Variants in PLXNA4 observed in about 807,000 individuals in gnomAD.
The protein encoded by PLXNA4 is plexin A4.
A neutral mutation model predicts 191.8 loss-of-function variants in PLXNA4; 44 were observed. The ratio of observed to expected loss-of-function variants is 0.23; its 90% CI spans 0.18 to 0.29. PLXNA4 has a LOEUF of 0.29. Among genes scored for constraint, PLXNA4 ranks in the 10% least tolerant of loss-of-function variants. PLXNA4 has a pLI of 1.00. For synonymous variants in PLXNA4, 1,082 were observed against 1,009.5 expected (o/e 1.07, Z -1.36); for missense variants, 1,800 against 2,488.8 (o/e 0.72, Z 5.89).
intron 3 of PLXNA4, among the ~76,000 whole-genome samples, chr7:132,374,766 A>C (rs539270690): frequency 6.6e-6 from 1 of 152,238 alleles, no homozygotes; most frequent in South Asian, 2.1e-4. Context: ...AGGCACTTGC[A>C]CCAACAGAGA....
rs367942627 is a variant in PLXNA4, at chr7:132,146,682, G to A, written c.4883C>T (p.Thr1628Met). The change falls in exon 28 of 32, where the codon ACG becomes ATG. Residue 1628 changes from threonine to methionine, a missense_variant. Physicochemically the swap from Thr to Met is moderately conservative, Grantham distance 81 (BLOSUM62 -1). Transcript: ENST00000321063. ...ASKYENMIRY[T>M]GSPDSLRSRT... is the part of the protein sequence containing the mutation. ...TGAGCGGAGGCTGTCGGGGCTGCCCGTGTACCGGATCATGTTTTCTGCCAA... is the reference window on the plus strand; with the variant it reads ...TGAGCGGAGGCTGTCGGGGCTGCCCATGTACCGGATCATGTTTTCTGCCAA... 30 of 1,614,038 alleles carry A rather than the reference G, an allele frequency of 1.9e-5. No individual in the cohort carries two copies. Among genetic ancestry groups the A allele is most frequent in the African/African-American group, 1.5e-4 (11 of 74,922 alleles).
At chr7:132,252,410 C>G (rs1799287698) in intron 4 of PLXNA4, among the ~76,000 whole-genome samples, 1 of 138,116 alleles carries the variant, frequency 7.2e-6, no homozygotes, top group Non-Finnish European at 1.5e-5. Context: ...CTCCTGGGTT[C>G]AAGCGATTCT....
intron 3 of PLXNA4, among the ~76,000 whole-genome samples, chr7:132,435,928 C>T (rs1280255403): frequency 1.3e-5 from 2 of 152,214 alleles, no homozygotes; most frequent in Admixed American, 1.3e-4. Flanking sequence ...AATTTCTCAG[C>T]AAATTGTTGG....
Position 132,480,683 on chromosome 7 carries a change from C to T in PLXNA4, c.1371+8609G>A, listed in dbSNP as rs112400105. ...GATGGGCCCAGTCTGTCCCAGGCAG[C>T]AGGCCAGGGGTAAGTGGAAAAGCAC... On this transcript the variant is annotated intron_variant, in intron 3 of 31. Transcript: ENST00000321063. 1.6e-3 allele frequency among the ~76,000 whole-genome samples: 237 copies of T among 152,326 alleles called. 4 individuals are homozygous for T. Among genetic ancestry groups the T allele is most frequent in the African/African-American group, 5.4e-3 (223 of 41,578 alleles).
intron 2 of PLXNA4, among the ~76,000 whole-genome samples, chr7:132,584,971 C>G (rs1004450993): frequency 6.6e-6 from 1 of 152,224 alleles, no homozygotes; most frequent in African/African-American, 2.4e-5. Flanking sequence ...GTTCTAGTTT[C>G]CTACTAGATG....
At chr7:132,401,648 C>T (rs145723458) in intron 3 of PLXNA4, among the ~76,000 whole-genome samples, 6 of 151,962 alleles carry the variant, frequency 3.9e-5, no homozygotes, top group South Asian at 2.1e-4. Context: ...ATTCAGAGGA[C>T]GGGAAAGGGC....
chr7:132,318,197 G>C (rs1384639968), intron 3 of PLXNA4, among the ~76,000 whole-genome samples: 1 of 152,168 alleles, frequency 6.6e-6, no homozygotes, highest in African/African-American at 2.4e-5. Flanking sequence ...GGTTGCAGGG[G>C]GAGGGAGTTG....
At chr7:132,150,018 G>A (rs1202475008) in intron 25 of PLXNA4, among the ~76,000 whole-genome samples, 1 of 152,146 alleles carries the variant, frequency 6.6e-6, no homozygotes, top group African/African-American at 2.4e-5. Context: ...CAGTCCCTGG[G>A]GCTTCCCTGC....
At chr7:132,136,557 C>A (rs544798437) in intron 30 of PLXNA4, among the ~76,000 whole-genome samples, 23 of 152,168 alleles carry the variant, frequency 1.5e-4, no homozygotes, top group African/African-American at 5.3e-4. Flanking sequence ...CCTCTGGGAG[C>A]AGCCATAAAG....
chr7:132,444,671 T>C (rs1414962836), intron 3 of PLXNA4, among the ~76,000 whole-genome samples: 1 of 152,152 alleles, frequency 6.6e-6, no homozygotes, highest in African/African-American at 2.4e-5. Flanking sequence ...TGTTAAGGTG[T>C]GTGTGTTGGT....
At chr7:132,280,557 A>G (rs1202947577) in intron 4 of PLXNA4, among the ~76,000 whole-genome samples, 3 of 152,170 alleles carry the variant, frequency 2.0e-5, no homozygotes, top group Non-Finnish European at 4.4e-5. Context: ...ATCTGTCAGC[A>G]CCATCTCAAA....
intron 1 of PLXNA4, among the ~76,000 whole-genome samples, chr7:132,514,117 T>G (rs141466522): frequency 0.011 from 1,610 of 151,846 alleles, 34 homozygotes; most frequent in African/African-American, 0.036. Context: ...AGTGGTGTGA[T>G]CTCAGCTCAC....
rs934668771 is a variant in PLXNA4, at chr7:132,129,135, A to G, written c.*1344T>C. The G allele has an allele frequency of 2.0e-5, 3 of 152,234 alleles. No individual in the cohort carries two copies. The highest frequency in any genetic ancestry group is 2.0e-4 in the Admixed American group (3 of 15,292). 9.4% of individuals were successfully genotyped at this position (152,234 alleles called of 1,614,324 possible). A position where few individuals can be genotyped will look rare whatever the true frequency, so the allele number is the denominator to read the frequency against. On this transcript the variant is annotated 3_prime_UTR_variant, in exon 32 of 32. Coordinates refer to ENST00000321063, the MANE Select transcript of PLXNA4 (RefSeq NM_020911.2). ...CTTCTTAATTCCAGCCAGGCCCATC[A>G]GCTCGACTCTTTGTCCCTCCCAGAT...
intron 9 of PLXNA4, among the ~76,000 whole-genome samples, chr7:132,223,226 C>G (rs1798203377): frequency 6.6e-6 from 1 of 152,218 alleles, no homozygotes; most frequent in Non-Finnish European, 1.5e-5. Flanking sequence ...GACACACCAA[C>G]ACACCCATCT....
intron 15 of PLXNA4, among the ~76,000 whole-genome samples, chr7:132,186,463 T>A (rs564661793): frequency 6.6e-6 from 1 of 152,280 alleles, no homozygotes; most frequent in Non-Finnish European, 1.5e-5. Context: ...CAGGGCTAAC[T>A]GATGGGCCAT....
At position 132,185,244 on chromosome 7, in the gene PLXNA4, AG is replaced by A. The variant is rs1796837601; in HGVS notation, c.3158+54del. The A allele has an allele frequency of 5.2e-6, 8 of 1,552,248 alleles. No homozygotes were observed. The East Asian group carries it at 1.6e-4, about 31-fold the overall frequency. On this transcript the variant is annotated intron_variant, in intron 16 of 31. Coordinates refer to ENST00000321063, the MANE Select transcript of PLXNA4 (RefSeq NM_020911.2). ...GAACTCTCCTTGGCTTTCAAGAGTC[AG>A]GGAAGGGAAACAGAGGTGCAGAAGC...
intron 4 of PLXNA4, among the ~76,000 whole-genome samples, chr7:132,260,418 A>T (rs930870353): frequency 6.6e-6 from 1 of 152,214 alleles, no homozygotes; most frequent in African/African-American, 2.4e-5. Context: ...AGAGAATGAA[A>T]TACTGTATGT....
chr7:132,563,090 C>T (rs1351459139), intron 1 of PLXNA4, among the ~76,000 whole-genome samples: 3 of 75,488 alleles, frequency 4.0e-5, no homozygotes, highest in Non-Finnish European at 5.7e-5. Context: ...TCCTCCTCCT[C>T]TTCTTCCTCC....
chr7:132,415,074 C>T (rs1002867633), intron 3 of PLXNA4, among the ~76,000 whole-genome samples: 1 of 152,152 alleles, frequency 6.6e-6, no homozygotes, highest in Non-Finnish European at 1.5e-5. Context: ...GTATTCACAC[C>T]CTAATCTTGG....
Sources: allele counts gnomAD v4.1 joint callset (sites outside exome capture counted in the v4.1 genomes callset), GRCh38; gene constraint gnomAD v4.1.1; transcripts MANE v1.5; gene names NCBI Gene and HGNC (gene_info 2026-07-23, HGNC 2026-07-21).